Variants in FGF14 observed in about 807,000 individuals in gnomAD.
The protein encoded by FGF14 is fibroblast growth factor 14.
FGF14 carries 5 observed loss-of-function variants against 25.5 expected under a neutral mutation model. The observed-to-expected ratio is 0.20, with a 90% CI of 0.10 to 0.41. The LOEUF is 0.41. Ranked by LOEUF, FGF14 falls within the 10% of genes least tolerant of loss-of-function variation. FGF14 has a pLI of 1.00. For synonymous variants in FGF14, 138 were observed against 118.3 expected, an observed-to-expected ratio of 1.17 and a Z score of -1.08; for missense variants, 222 against 320.1, an observed-to-expected ratio of 0.69 and a Z score of 2.34.
At chr13:102,338,449 A>G (rs1052047418) in intron 1 of FGF14, among the ~76,000 whole-genome samples, 1 of 152,210 alleles carries the variant, frequency 6.6e-6, no homozygotes, top group Non-Finnish European at 1.5e-5. Flanking sequence ...GGGACCCCCA[A>G]CCAAAAATGA....
rs565257716 is a variant in FGF14 at position 102,099,537 on chromosome 13, C to T, written c.209-224241G>A. ...AAGGAAGTTTATGCAGTTATATCAC[C>T]TAATTCTTATAACCATCTGCTGGCC... On this transcript the variant is annotated intron_variant, in intron 1 of 4. Coordinates refer to the FGF14 transcript ENST00000376131. Among the ~76,000 whole-genome samples the T allele has an allele frequency of 7.2e-5, 11 of 152,108 alleles. No homozygotes were observed. The South Asian group carries it at 2.3e-3, about 32-fold the overall frequency.
chr13:101,952,768 C>T (rs1011377764), intron 1 of FGF14, among the ~76,000 whole-genome samples: 1 of 152,178 alleles, frequency 6.6e-6, no homozygotes, highest in Non-Finnish European at 1.5e-5. Flanking sequence ...TGGTGGCCCA[C>T]GCCTTTAATC....
intron 3 of FGF14, among the ~76,000 whole-genome samples, chr13:101,761,805 C>G (rs1013755164): frequency 6.6e-6 from 1 of 152,126 alleles, no homozygotes; most frequent in African/African-American, 2.4e-5. Context: ...CAACGCTTGT[C>G]CTCACTAATG....
At chr13:101,935,095 G>T (rs774770986) in intron 1 of FGF14, among the ~76,000 whole-genome samples, 1 of 152,292 alleles carries the variant, frequency 6.6e-6, no homozygotes, top group Non-Finnish European at 1.5e-5. Flanking sequence ...AGAAAGAAAA[G>T]TAGGGCAATT....
chr13:101,884,211 G>C (rs1390794603), intron 1 of FGF14, among the ~76,000 whole-genome samples: 1 of 151,980 alleles, frequency 6.6e-6, no homozygotes, highest in African/African-American at 2.4e-5. Flanking sequence ...GTACCACTCA[G>C]CTGTGCTCTA....
intron 1 of FGF14, among the ~76,000 whole-genome samples, chr13:102,344,339 C>T (rs375763086): frequency 3.9e-5 from 6 of 152,238 alleles, no homozygotes; most frequent in African/African-American, 1.4e-4. Context: ...AAGAACCCTA[C>T]AAAACCTATT....
intron 1 of FGF14, among the ~76,000 whole-genome samples, chr13:102,130,041 T>A (rs1407397620): frequency 5.3e-5 from 8 of 152,210 alleles, no homozygotes; most frequent in Admixed American, 5.2e-4. Flanking sequence ...ATCTCATATT[T>A]AAGGTTTTAG....
intron 1 of FGF14, among the ~76,000 whole-genome samples, chr13:101,961,351 A>G (rs2036845804): frequency 6.6e-6 from 1 of 152,114 alleles, no homozygotes; most frequent in African/African-American, 2.4e-5. Context: ...AACCATCTTG[A>G]GGTAATTTTT....
intron 1 of FGF14, among the ~76,000 whole-genome samples, chr13:102,186,713 TA>T (rs1477841815): frequency 4.6e-5 from 7 of 152,122 alleles, no homozygotes; most frequent in East Asian, 1.9e-4. Context: ...TTAGTGCACA[TA>T]GGGGGAACAT....
chr13:102,249,549 GGTGTGTGT>G (rs55773652), intron 1 of FGF14, among the ~76,000 whole-genome samples: 3 of 150,400 alleles, frequency 2.0e-5, no homozygotes, highest in African/African-American at 7.3e-5. Context: ...TACTGAGAGG[GGTGTGTGT>G]GTGTGTGTGT....
intron 1 of FGF14, among the ~76,000 whole-genome samples, chr13:102,111,688 C>A (rs654363): frequency 0.53 from 79,791 of 150,220 alleles, 22,484 homozygotes; most frequent in East Asian, 0.75. Context: ...TGTACTCTAG[C>A]CTGGGCAACA....
chr13:102,224,341 G>A (rs2050741862), intron 1 of FGF14, among the ~76,000 whole-genome samples: 1 of 152,106 alleles, frequency 6.6e-6, no homozygotes. Flanking sequence ...TGTCATTTCA[G>A]TATCAGATCT....
intron 1 of FGF14, among the ~76,000 whole-genome samples, chr13:102,040,513 C>G (rs1238171730): frequency 6.6e-6 from 1 of 152,128 alleles, no homozygotes; most frequent in Non-Finnish European, 1.5e-5. Flanking sequence ...CCCTGACTTA[C>G]ACATCTGTAA....
chr13:101,849,475 A>C (rs537907180), intron 3 of FGF14, among the ~76,000 whole-genome samples: 1 of 152,070 alleles, frequency 6.6e-6, no homozygotes, highest in Non-Finnish European at 1.5e-5. Flanking sequence ...GCTTCTCCAC[A>C]CTTTCCTTCT....
chr13:102,264,505 C>G (rs2052886201), intron 1 of FGF14, among the ~76,000 whole-genome samples: 1 of 152,112 alleles, frequency 6.6e-6, no homozygotes, highest in South Asian at 2.1e-4. Flanking sequence ...TTTCTACAAA[C>G]CAAATAAGTC....
At chr13:102,161,570 A>AAGAAGAAGAAAGAAGAAAGAAGAAAG in intron 1 of FGF14, among the ~76,000 whole-genome samples, 2 of 5,656 alleles carry the variant, frequency 3.5e-4, no homozygotes, top group Non-Finnish European at 4.8e-4. Flanking sequence ...TTCTGTGAAG[A>AAGAAGAAGAAAGAAGAAAGAAGAAAG]AAGAAAGAAG....
At chr13:102,165,813 TA>T (rs1049643533) in intron 1 of FGF14, among the ~76,000 whole-genome samples, 1 of 149,972 alleles carries the variant, frequency 6.7e-6, no homozygotes, top group African/African-American at 2.4e-5. Flanking sequence ...AGTATAATAA[TA>T]ATAATAATAA....
At chr13:101,726,567 A>ATATGTAATAAGTC (rs1566822952) in intron 4 of FGF14, 45 bp downstream of exon 4, 4 of 1,557,720 alleles carry the variant, frequency 2.6e-6, no homozygotes, top group Non-Finnish European at 3.5e-6. Flanking sequence ...GAAAAATAAA[A>ATATGTAATAAGTC]TATGTAATAA....
intron 1 of FGF14, among the ~76,000 whole-genome samples, chr13:102,114,527 ATTAT>A (rs2045375802): frequency 1.3e-5 from 2 of 152,210 alleles, no homozygotes; most frequent in Non-Finnish European, 2.9e-5. Flanking sequence ...TCATTGCAAC[ATTAT>A]TCACAGTAGC....
Sources: allele counts gnomAD v4.1 joint callset (sites outside exome capture counted in the v4.1 genomes callset), GRCh38; gene constraint gnomAD v4.1.1; transcripts MANE v1.5; gene names NCBI Gene and HGNC (gene_info 2026-07-23, HGNC 2026-07-21).